Variants in PTPRM observed in about 807,000 individuals in gnomAD.
PTPRM encodes the protein protein tyrosine phosphatase receptor type M, also known as receptor-type tyrosine-protein phosphatase mu.
Under a neutral mutation model 186.7 loss-of-function variants are expected in PTPRM, and 47 were observed. The ratio of observed to expected loss-of-function variants is 0.25; its 90% confidence interval spans 0.20 to 0.32. The LOEUF is 0.32. Ranked by LOEUF, PTPRM falls within the 10% of genes least tolerant of loss-of-function variation. The pLI, the probability that PTPRM is intolerant of heterozygous loss-of-function variation, is 1.00. For synonymous variants in PTPRM, 668 were observed against 674.9 expected (o/e 0.99, Z 0.16); for missense variants, 1,494 against 1,865.0 (o/e 0.80, Z 3.66).
At chr18:7,820,945 G>T (rs2045154667) in intron 2 of PTPRM, among the ~76,000 whole-genome samples, 1 of 152,108 alleles carries the variant, frequency 6.6e-6, no homozygotes, top group Non-Finnish European at 1.5e-5. Context: ...GCTCCCACCT[G>T]CCTCCCCCAG....
chr18:8,054,220 C>T (rs1467257879), intron 7 of PTPRM, among the ~76,000 whole-genome samples: 1 of 148,468 alleles, frequency 6.7e-6, no homozygotes, highest in Non-Finnish European at 1.5e-5. Flanking sequence ...ATTCTCTGGG[C>T]ATTTTAATAG....
chr18:7,601,629 G>A (rs539559709), intron 1 of PTPRM, among the ~76,000 whole-genome samples: 1 of 152,160 alleles, frequency 6.6e-6, no homozygotes, highest in African/African-American at 2.4e-5. Context: ...CTCTTTTAAG[G>A]ATCTTTGTCA....
At position 8,126,010 on chromosome 18, in the gene PTPRM, TA is replaced by T. The variant is rs2092341976; in HGVS notation, c.2167+11184del. ...ATATATATATATATATATATATATA[TA>T]TATATATATATATATATTTTAAATC... On this transcript the variant is annotated intron_variant, in intron 13 of 32. Transcript: ENST00000580170. Among the ~76,000 whole-genome samples the T allele has an allele frequency of 1.9e-3, 45 of 23,792 alleles. 2 individuals carry two copies. The highest frequency in any genetic ancestry group is 4.1e-3 in the East Asian group (3 of 728). 15.6% of individuals were successfully genotyped at this position (23,792 alleles called of 152,430 possible).
chr18:7,596,819 G>T (rs2037274380), intron 1 of PTPRM, among the ~76,000 whole-genome samples: 1 of 151,538 alleles, frequency 6.6e-6, no homozygotes, highest in African/African-American at 2.4e-5. Flanking sequence ...TCTCTTCAAA[G>T]TATTTTCCCT....
In PTPRM at chr18:7,904,087, G is replaced by A. The variant is rs150332378; in HGVS notation, c.469-2418G>A. ...GAGATAATGGAATGATATCTTCCTAGTGTGTGTAACATATCTGCTTACTAA... is the reference window on the plus strand; with the variant it reads ...GAGATAATGGAATGATATCTTCCTAATGTGTGTAACATATCTGCTTACTAA... On this transcript the variant is annotated intron_variant, in intron 3 of 32. Transcript: ENST00000580170. Among the ~76,000 whole-genome samples, 560 of 152,208 alleles carry A rather than the reference G, an allele frequency of 3.7e-3. 5 individuals carry two copies. Among genetic ancestry groups the A allele is most frequent in the African/African-American group, 0.013 (533 of 41,544 alleles).
chr18:7,834,437 ATGTATATGTAAATATAAG>A (rs2045919229), intron 2 of PTPRM, among the ~76,000 whole-genome samples: 1 of 143,152 alleles, frequency 7.0e-6, no homozygotes, highest in Non-Finnish European at 1.5e-5. Context: ...AAATATAAGT[ATGTATATGTAAATATAAG>A]TATGTATATA....
chr18:8,052,952 C>T (rs1053461298), intron 7 of PTPRM, among the ~76,000 whole-genome samples: 3 of 152,142 alleles, frequency 2.0e-5, no homozygotes, highest in African/African-American at 7.2e-5. Flanking sequence ...CATATTTTCA[C>T]GTTTGTGGTC....
At chr18:8,221,590 TACA>T (rs1477478812) in intron 14 of PTPRM, among the ~76,000 whole-genome samples, 7 of 152,194 alleles carry the variant, frequency 4.6e-5, no homozygotes, top group African/African-American at 1.7e-4. Context: ...AAAAGTGAGG[TACA>T]ACAGCTCCAT....
At chr18:7,629,276 A>G (rs2038134677) in intron 1 of PTPRM, among the ~76,000 whole-genome samples, 1 of 152,222 alleles carries the variant, frequency 6.6e-6, no homozygotes, top group African/African-American at 2.4e-5. Context: ...GCCTAATTAA[A>G]TGCCGAGATT....
Position 7,704,104 on chromosome 18 carries a change from C to T in PTPRM, c.74-70045C>T, listed in dbSNP as rs563491164. ...ATTTTATTGAGGATTTTCGCATCGA[C>T]GTTCATCAGGCATATTGGCCTGATA... On this transcript the variant is annotated intron_variant, in intron 1 of 32. Transcript: ENST00000580170. Among the ~76,000 whole-genome samples, 8 of 152,216 alleles carry T rather than the reference C, an allele frequency of 5.3e-5. No homozygotes were observed. The East Asian group carries it at 5.8e-4, about 11-fold the overall frequency.
chr18:7,654,710 C>T (rs1018562590), intron 1 of PTPRM, among the ~76,000 whole-genome samples: 1 of 152,098 alleles, frequency 6.6e-6, no homozygotes, highest in African/African-American at 2.4e-5. Context: ...ATAGGGAGTC[C>T]TTTCCCCATT....
chr18:7,909,901 C>G (rs879337244), intron 4 of PTPRM, among the ~76,000 whole-genome samples: 5 of 152,174 alleles, frequency 3.3e-5, no homozygotes, highest in East Asian at 3.9e-4. Flanking sequence ...ATGACCACTT[C>G]TAATAAACAG....
chr18:8,000,088 G>T (rs1463159758), intron 7 of PTPRM, among the ~76,000 whole-genome samples: 1 of 152,164 alleles, frequency 6.6e-6, no homozygotes, highest in Non-Finnish European at 1.5e-5. Context: ...TCATTCTATT[G>T]GACAAGGCCC....
Position 8,253,424 on chromosome 18 carries a change from A to G in PTPRM, c.2754+10A>G, listed in dbSNP as rs1004324119. ...CAAGGAGGAATACGAGGTGAGCACA[A>G]GCTCTGTGCCAGGGCTTTCCCATTC... is the stretch of plus-strand genomic sequence containing the variant. On this transcript the variant is annotated intron_variant, in intron 19 of 32. Coordinates refer to ENST00000580170, the MANE Select transcript of PTPRM (RefSeq NM_001105244.2). The G allele has an allele frequency of 6.9e-6, 10 of 1,453,758 alleles. No individual in the cohort carries two copies. The highest frequency in any genetic ancestry group is 7.3e-6 in the Non-Finnish European group (8 of 1,095,964). The allele number at this position is 1,453,758 out of a possible 1,614,324, so 90.1% of individuals were successfully genotyped here.
intron 1 of PTPRM, among the ~76,000 whole-genome samples, chr18:7,574,467 T>C (rs963102994): frequency 2.0e-5 from 3 of 152,264 alleles, no homozygotes; most frequent in Non-Finnish European, 4.4e-5. Context: ...ATAATTCTTA[T>C]TGAAATATTT....
rs139185826 is a variant in PTPRM, at chr18:8,208,600, C to G, written c.2301-35458C>G. ...CATCATAGTTCACTGCAGTCTTGAA[C>G]TCCTGGGCTCAAGTGATCCTCCCAT... On this transcript the variant is annotated intron_variant, in intron 14 of 32. Transcript: ENST00000580170. Among the ~76,000 whole-genome samples, 733 of 152,068 alleles carry G rather than the reference C, an allele frequency of 4.8e-3. 8 individuals carry two copies. The highest frequency in any genetic ancestry group is 5.4e-3 in the Non-Finnish European group (366 of 68,010).
chr18:7,899,615 T>C (rs1302427234), intron 3 of PTPRM, among the ~76,000 whole-genome samples: 1 of 152,168 alleles, frequency 6.6e-6, no homozygotes, highest in Non-Finnish European at 1.5e-5. Flanking sequence ...AATGTTTGTT[T>C]CAGTAAAAAC....
At chr18:8,035,550 A>AT (rs1438805631) in intron 7 of PTPRM, among the ~76,000 whole-genome samples, 1 of 152,106 alleles carries the variant, frequency 6.6e-6, no homozygotes, top group Non-Finnish European at 1.5e-5. Flanking sequence ...ATACTATATT[A>AT]TTTTTTATTT....
chr18:7,586,048 A>G (rs2036970688), intron 1 of PTPRM, among the ~76,000 whole-genome samples: 1 of 152,148 alleles, frequency 6.6e-6, no homozygotes, highest in Non-Finnish European at 1.5e-5. Context: ...AACCTAAATT[A>G]CCCTCAGTTT....
Sources: allele counts gnomAD v4.1 joint callset (sites outside exome capture counted in the v4.1 genomes callset), GRCh38; gene constraint gnomAD v4.1.1; transcripts MANE v1.5; gene names NCBI Gene and HGNC (gene_info 2026-07-23, HGNC 2026-07-21).